TRIO: variants seen among roughly 807,000 people sequenced by gnomAD.
The protein encoded by TRIO is triple functional domain protein.
Under a neutral mutation model 351.9 loss-of-function variants are expected in TRIO, and 58 were observed. The ratio of observed to expected loss-of-function variants is 0.16; its 90% CI spans 0.13 to 0.21. TRIO has a LOEUF of 0.21. Among genes scored for constraint, TRIO ranks in the 10% least tolerant of loss-of-function variants. The pLI is 1.00. For missense variants in TRIO, 3,201 were observed against 4,027.8 expected (o/e 0.79, Z 5.56); for synonymous variants, 1,758 against 1,595.7 (o/e 1.10, Z -2.42).
chr5:14,359,830 C>T (rs1302219475), intron 13 of TRIO, among the ~76,000 whole-genome samples: 1 of 152,214 alleles, frequency 6.6e-6, no homozygotes, highest in Non-Finnish European at 1.5e-5. Context: ...GAAGCCAGCA[C>T]AGCTTTCTCT....
chr5:14,234,871 A>G (rs1461268292), intron 1 of TRIO, among the ~76,000 whole-genome samples: 1 of 152,214 alleles, frequency 6.6e-6, no homozygotes, highest in South Asian at 2.1e-4. Context: ...ACAAAACTAG[A>G]TTATTTTCAA....
Position 14,487,778 on chromosome 5 carries a change from G to C in TRIO, c.7150G>C (p.Glu2384Gln), listed in dbSNP as rs780400179. The stretch of plus-strand genomic sequence containing the variant: ...CCTGCCTCCCCCTGGCGCGGCCCCC[G>C]AGGCCGGCCCCAGCGCGCCCAGCAG... ...PSLPPPGAAP[E>Q]AGPSAPSRRP... The change falls in exon 48 of 57, where the codon GAG becomes CAG. Residue 2384 changes from glutamate to glutamine, a missense_variant. Glu to Gln is a conservative substitution (Grantham distance 29). Transcript: ENST00000344204. 3.0e-5 allele frequency: 41 copies of C among 1,370,930 alleles called. No homozygotes were observed. In the East Asian group the frequency reaches 5.0e-4, roughly 17 times the overall value. 84.9% of individuals were successfully genotyped at this position (1,370,930 alleles called of 1,614,324 possible). A position where few individuals can be genotyped will look rare whatever the true frequency, so the allele number is the denominator to read the frequency against.
At chr5:14,388,947 A>G (rs1343154761) in intron 24 of TRIO, among the ~76,000 whole-genome samples, 2 of 152,198 alleles carry the variant, frequency 1.3e-5, no homozygotes, top group African/African-American at 4.8e-5. Context: ...CTCTCTTTGT[A>G]TAGAATTGTA....
chr5:14,258,764 G>T (rs1027492165), intron 1 of TRIO, among the ~76,000 whole-genome samples: 7 of 152,224 alleles, frequency 4.6e-5, no homozygotes, highest in African/African-American at 1.7e-4. Context: ...AGCCATCCCA[G>T]CCTCCTGCTC....
Position 14,498,593 on chromosome 5 carries a change from T to C in TRIO, c.8285T>C (p.Val2762Ala), listed in dbSNP as rs1284138207. The C allele has an allele frequency of 1.2e-6, 2 of 1,614,228 alleles. No individual in the cohort carries two copies. The highest frequency in any genetic ancestry group is 8.5e-7 in the Non-Finnish European group (1 of 1,180,026). Residue 2762 changes from valine (V) to alanine (A), a missense_variant, in exon 53 of 57, where the codon GTC (valine) becomes GCC (alanine). Around this residue, in one of 19 missense-constraint regions of TRIO, gnomAD observed 1,089 missense variants for 954.9 expected, o/e 1.14. Coordinates refer to ENST00000344204, the MANE Select transcript of TRIO (RefSeq NM_007118.4). Reference sequence around the variant, plus strand: ...GACGGCATCTACACGTGCATCGCTGTCAATGACATGGGTTCAGCCTCATCG... The same window carrying C: ...GACGGCATCTACACGTGCATCGCTGCCAATGACATGGGTTCAGCCTCATCG... ...EDDGIYTCIA[V>A]NDMGSASSSA...
chr5:14,508,332 C>G lies in TRIO; in HGVS notation c.9204C>G (p.Ser3068=). 1 of 1,614,082 alleles carries G rather than the reference C, an allele frequency of 6.2e-7. No individual in the cohort carries two copies. Among genetic ancestry groups the G allele is most frequent in the Non-Finnish European group, 8.5e-7 (1 of 1,180,048 alleles). Residue 3068 remains serine, a synonymous_variant, in exon 57 of 57, where the codon TCC becomes TCG. Coordinates refer to ENST00000344204, the MANE Select transcript of TRIO (RefSeq NM_007118.4). The stretch of plus-strand genomic sequence containing the variant: ...TCCTCGACACGTCCAGACTGACTTC[C>G]TTCATTGAGCGGCGCAAACACCAGA... The part of the protein sequence containing the change: ...TGVLDTSRLT[S]FIERRKHQND...
intron 1 of TRIO, among the ~76,000 whole-genome samples, chr5:14,225,474 G>T (rs953726597): frequency 6.6e-6 from 1 of 152,126 alleles, no homozygotes; most frequent in Admixed American, 6.5e-5. Flanking sequence ...TTGGGGTCCT[G>T]TTCAGGTCCA....
At chr5:14,316,837 A>C (rs1739421231) in intron 9 of TRIO, 94 bp downstream of exon 9, 1 of 1,343,942 alleles carries the variant, frequency 7.4e-7, no homozygotes, top group Admixed American at 2.2e-5. Context: ...GTGCTTAAGG[A>C]GTGATGACTA....
intron 34 of TRIO, among the ~76,000 whole-genome samples, chr5:14,436,304 A>G (rs753026390): frequency 2.6e-5 from 4 of 152,176 alleles, no homozygotes; most frequent in South Asian, 2.1e-4. Flanking sequence ...GTCAGGTCTT[A>G]TGAGACTTAT....
intron 33 of TRIO, among the ~76,000 whole-genome samples, chr5:14,414,944 C>G (rs30611): frequency 0.28 from 42,849 of 152,086 alleles, 6,825 homozygotes; most frequent in Middle Eastern, 0.46. Flanking sequence ...GGAAATTGTT[C>G]TGGCTGCCTA....
chr5:14,424,263 T>C (rs142352614), intron 34 of TRIO, among the ~76,000 whole-genome samples: 7 of 152,256 alleles, frequency 4.6e-5, no homozygotes, highest in African/African-American at 1.7e-4. Flanking sequence ...AACTGCCGTT[T>C]CCTTACACCA....
intron 33 of TRIO, among the ~76,000 whole-genome samples, chr5:14,418,246 TG>T (rs903910041): frequency 2.6e-5 from 4 of 152,082 alleles, no homozygotes; most frequent in East Asian, 1.9e-4. Flanking sequence ...TTCTGGCCAC[TG>T]GGGGGGACCT....
intron 1 of TRIO, among the ~76,000 whole-genome samples, chr5:14,215,568 A>G (rs1364406540): frequency 1.3e-5 from 2 of 152,216 alleles, no homozygotes; most frequent in African/African-American, 4.8e-5. Flanking sequence ...TTTAGACTAA[A>G]TGATTCCTTA....
At chr5:14,444,353 G>A (rs888457848) in intron 34 of TRIO, among the ~76,000 whole-genome samples, 4 of 152,186 alleles carry the variant, frequency 2.6e-5, no homozygotes, top group Non-Finnish European at 5.9e-5. Flanking sequence ...GGATTGTTTC[G>A]ACTGTGAAGA....
chr5:14,229,516 G>A (rs1793272107), intron 1 of TRIO, among the ~76,000 whole-genome samples: 1 of 152,244 alleles, frequency 6.6e-6, no homozygotes, highest in Non-Finnish European at 1.5e-5. Flanking sequence ...TCTGTCCTAG[G>A]AGTTTAATTT....
chr5:14,353,629 T>A (rs1743344893), intron 11 of TRIO, among the ~76,000 whole-genome samples: 1 of 152,140 alleles, frequency 6.6e-6, no homozygotes, highest in South Asian at 2.1e-4. Context: ...CAGAGCTGGA[T>A]CCAGGTAACT....
At chr5:14,403,924 G>T (rs112450623) in intron 31 of TRIO, among the ~76,000 whole-genome samples, 1 of 138,290 alleles carries the variant, frequency 7.2e-6, no homozygotes. Context: ...GGGTGTAGGT[G>T]GTGGTGGTGA....
At chr5:14,357,515 G>A (rs1276063875) in intron 11 of TRIO, among the ~76,000 whole-genome samples, 3 of 152,096 alleles carry the variant, frequency 2.0e-5, no homozygotes, top group Non-Finnish European at 4.4e-5. Context: ...ACTCATCTAG[G>A]TCTCCAGCAG....
chr5:14,186,707 A>G (rs1790141147), intron 1 of TRIO, among the ~76,000 whole-genome samples: 1 of 151,772 alleles, frequency 6.6e-6, no homozygotes, highest in Non-Finnish European at 1.5e-5. Context: ...CCTCCTAAGT[A>G]GTTGGGATTA....
Sources: gnomAD v4.1 joint callset for allele counts (sites outside exome capture counted in the v4.1 genomes callset) on GRCh38, gnomAD v4.1.1 for gene constraint, gnomAD v4.1.1 regional missense constraint, MANE v1.5 for transcripts, NCBI Gene and HGNC (gene_info 2026-07-23, HGNC 2026-07-21) for gene names.